SMIM10L3: variants seen among roughly 807,000 people sequenced by gnomAD.
SMIM10L3 encodes the protein salivary gland specific protein SAGSIN1.
chr7:6,346,634 G>A, the SMIM10L3 span, among the ~76,000 whole-genome samples: 1 of 152,124 alleles, frequency 6.6e-6, no homozygotes, highest in Non-Finnish European at 1.5e-5. Context: ...AGACACCTTG[G>A]CCTCCCAAAG....
the SMIM10L3 span, among the ~76,000 whole-genome samples, chr7:6,341,455 TA>T: frequency 5.0e-5 from 7 of 140,134 alleles, no homozygotes; most frequent in African/African-American, 1.9e-4. Flanking sequence ...AAAATAATAA[TA>T]ATAATTATTA....
At chr7:6,335,270 T>G in the SMIM10L3 span, among the ~76,000 whole-genome samples, 1 of 151,810 alleles carries the variant, frequency 6.6e-6, no homozygotes, top group Non-Finnish European at 1.5e-5. Context: ...TTGCCCAGGC[T>G]GGAGGGCAAT....
chr7:6,330,531 T>C, the SMIM10L3 span: 4 of 1,614,208 alleles, frequency 2.5e-6, no homozygotes, highest in Non-Finnish European at 3.4e-6. Flanking sequence ...AAATGCGTTT[T>C]GTCTCCTCAC....
At chr7:6,335,971 G>T in the SMIM10L3 span, among the ~76,000 whole-genome samples, 1 of 152,000 alleles carries the variant, frequency 6.6e-6, no homozygotes, top group South Asian at 2.1e-4. Context: ...ACAGGAGTTC[G>T]AGATCAGCCT....
chr7:6,344,604 A>G, the SMIM10L3 span, among the ~76,000 whole-genome samples: 4 of 151,960 alleles, frequency 2.6e-5, no homozygotes, highest in Admixed American at 2.6e-4. Flanking sequence ...TTTTTTGTAG[A>G]GACGGAGTTT....
At chr7:6,330,078 G>A in the SMIM10L3 span, 1 of 353,772 alleles carries the variant, frequency 2.8e-6, no homozygotes. Flanking sequence ...GTTGAAGACA[G>A]AACTTCATGG....
At chr7:6,330,964 T>A in the SMIM10L3 span, 1 of 1,614,242 alleles carries the variant, frequency 6.2e-7, no homozygotes, top group Non-Finnish European at 8.5e-7. Flanking sequence ...CTTTCTCATT[T>A]CCAGTGATAA....
the SMIM10L3 span, among the ~76,000 whole-genome samples, chr7:6,340,388 G>A: frequency 2.0e-5 from 3 of 152,246 alleles, no homozygotes; most frequent in South Asian, 2.1e-4. Flanking sequence ...ACGGAGAAGC[G>A]ACCACTGCAT....
At chr7:6,336,122 A>G in the SMIM10L3 span, among the ~76,000 whole-genome samples, 1 of 151,376 alleles carries the variant, frequency 6.6e-6, no homozygotes, top group African/African-American at 2.4e-5. Flanking sequence ...ACAGTAAGCC[A>G]AGATAGCACC....
At chr7:6,344,005 C>G in the SMIM10L3 span, among the ~76,000 whole-genome samples, 1 of 152,058 alleles carries the variant, frequency 6.6e-6, no homozygotes, top group Non-Finnish European at 1.5e-5. Flanking sequence ...CCCACCTCAG[C>G]CTCCCAAGTA....
At chr7:6,332,734 C>G in the SMIM10L3 span, among the ~76,000 whole-genome samples, 1 of 152,102 alleles carries the variant, frequency 6.6e-6, no homozygotes. Context: ...AGCAGCAACA[C>G]TGAAAGGATC....
the SMIM10L3 span, chr7:6,331,174 G>A: frequency 2.8e-5 from 45 of 1,601,632 alleles, no homozygotes; most frequent in Admixed American, 1.2e-4. Flanking sequence ...TCTTGGATGC[G>A]GTGGGCCTGA....
At chr7:6,347,132 G>C in the SMIM10L3 span, among the ~76,000 whole-genome samples, 5 of 152,140 alleles carry the variant, frequency 3.3e-5, no homozygotes, top group Admixed American at 6.6e-5. Context: ...TTCAAGACCA[G>C]CCTTGGCAAC....
At chr7:6,345,002 A>C in the SMIM10L3 span, among the ~76,000 whole-genome samples, 1 of 152,084 alleles carries the variant, frequency 6.6e-6, no homozygotes, top group African/African-American at 2.4e-5. Flanking sequence ...CAGCCTCTCA[A>C]AGTGCTGGGA....
At chr7:6,336,638 G>A in the SMIM10L3 span, among the ~76,000 whole-genome samples, 1 of 151,062 alleles carries the variant, frequency 6.6e-6, no homozygotes, top group Non-Finnish European at 1.5e-5. Context: ...GAGCCAAGAT[G>A]GCACCACTGT....
chr7:6,341,459 AATTATT>A, the SMIM10L3 span, among the ~76,000 whole-genome samples: 2 of 142,438 alleles, frequency 1.4e-5, no homozygotes, highest in African/African-American at 5.7e-5. Context: ...TAATAATAAT[AATTATT>A]ATTATTATTA....
chr7:6,341,367 G>A, the SMIM10L3 span, among the ~76,000 whole-genome samples: 40,121 of 145,738 alleles, frequency 0.28, 5,417 homozygotes, highest in East Asian at 0.32. Flanking sequence ...GGTGTGAACC[G>A]GGAGGCGGAG....
chr7:6,344,117 A>T, the SMIM10L3 span, among the ~76,000 whole-genome samples: 2 of 151,506 alleles, frequency 1.3e-5, no homozygotes, highest in African/African-American at 4.9e-5. Flanking sequence ...TCCTGGCCTC[A>T]AGCGAGGGTA....
chr7:6,333,122 A>T, the SMIM10L3 span, among the ~76,000 whole-genome samples: 1 of 151,172 alleles, frequency 6.6e-6, no homozygotes, highest in Non-Finnish European at 1.5e-5. Context: ...CCACCACTGC[A>T]CTCCAGCCTG....
Sources: gnomAD v4.1 joint callset for allele counts (sites outside exome capture counted in the v4.1 genomes callset) on GRCh38, gnomAD v4.1.1 for gene constraint, MANE v1.5 for transcripts, NCBI Gene and HGNC (gene_info 2026-07-23, HGNC 2026-07-21) for gene names.